The following ADAMTS6 variants were observed in gnomAD, a reference collection of about 807,000 sequenced individuals.
The protein encoded by ADAMTS6 is A disintegrin and metalloproteinase with thrombospondin motifs 6.
In ADAMTS6, 23 loss-of-function variants were observed where a neutral mutation model predicts 144.3. The ratio of observed to expected loss-of-function variants is 0.16; its 90% confidence interval spans 0.11 to 0.23. The LOEUF (loss-of-function observed/expected upper bound fraction) is 0.23. Among genes scored for constraint, ADAMTS6 ranks in the 10% least tolerant of loss-of-function variants. ADAMTS6 has a pLI of 1.00. For synonymous variants in ADAMTS6, 444 were observed against 457.5 expected, an observed-to-expected ratio of 0.97 and a Z score of 0.38; for missense variants, 999 against 1,379.6, an observed-to-expected ratio of 0.72 and a Z score of 4.37.
In ADAMTS6 at chr5:65,271,739, C is replaced by G. The variant is rs549688317; in HGVS notation, c.1620+1601G>C. ...TGGCAAATAAAGAAACAGATTCTCC[C>G]TGTGACTCTCCCTCTTTATGGTTGT... On this transcript the variant is annotated intron_variant, in intron 12 of 24. Transcript: ENST00000381055. 5.9e-5 allele frequency among the ~76,000 whole-genome samples: 9 copies of G among 152,164 alleles called. No individual in the cohort carries two copies. In the South Asian group the frequency reaches 1.2e-3, roughly 21 times the overall value.
intron 7 of ADAMTS6, among the ~76,000 whole-genome samples, chr5:65,404,813 C>T (rs1259208467): frequency 2.6e-5 from 4 of 152,096 alleles, no homozygotes; most frequent in Non-Finnish European, 4.4e-5. Context: ...CCTGTTGTTT[C>T]CTGACTTTTT....
chr5:65,451,292 A>T, intron 7 of ADAMTS6, 183 bp downstream of exon 7: 1 of 549,016 alleles, frequency 1.8e-6, no homozygotes, highest in African/African-American at 2.0e-5. Flanking sequence ...CTTTTTTCTT[A>T]TTTGGTTCAT....
At chr5:65,460,931 G>A (rs1580762693) in intron 3 of ADAMTS6, among the ~76,000 whole-genome samples, 1 of 152,258 alleles carries the variant, frequency 6.6e-6, no homozygotes, top group Middle Eastern at 3.4e-3. Context: ...CTTCTATTGT[G>A]ACAAATCATT....
intron 7 of ADAMTS6, among the ~76,000 whole-genome samples, chr5:65,351,715 G>A (rs1171951975): frequency 6.6e-6 from 1 of 152,038 alleles, no homozygotes; most frequent in Non-Finnish European, 1.5e-5. Context: ...CCAGGAATTT[G>A]AAGCCCCTGT....
chr5:65,450,708 A>G (rs1002345707), intron 7 of ADAMTS6, among the ~76,000 whole-genome samples: 4 of 152,190 alleles, frequency 2.6e-5, no homozygotes, highest in African/African-American at 7.2e-5. Context: ...AATCAAAGAC[A>G]GGATCACCAG....
intron 21 of ADAMTS6, among the ~76,000 whole-genome samples, chr5:65,188,756 T>A (rs1754823661): frequency 1.3e-5 from 2 of 152,340 alleles, no homozygotes; most frequent in Admixed American, 1.3e-4. Context: ...CAATACTAGC[T>A]GGCTCCAGCA....
chr5:65,415,627 AT>A, intron 7 of ADAMTS6: 7 of 310,624 alleles, frequency 2.3e-5, no homozygotes, highest in South Asian at 5.9e-5. Flanking sequence ...GAGATCACTG[AT>A]TTTTTTCGGG....
At chr5:65,393,544 G>T (rs1315998651) in intron 7 of ADAMTS6, among the ~76,000 whole-genome samples, 1 of 151,994 alleles carries the variant, frequency 6.6e-6, no homozygotes. Flanking sequence ...TACAATTTTT[G>T]AATTTTTTCT....
intron 14 of ADAMTS6, among the ~76,000 whole-genome samples, chr5:65,259,738 GGTTT>G (rs567211888): frequency 0.011 from 1,673 of 152,148 alleles, 13 homozygotes; most frequent in Non-Finnish European, 0.019. Context: ...ATGGTTTTTT[GGTTT>G]GTTTGTTTAC....
Position 65,448,106 on chromosome 5 carries a change from A to G in ADAMTS6, c.1073+3369T>C, listed in dbSNP as rs150857728. 6.9e-3 allele frequency among the ~76,000 whole-genome samples: 1,038 copies of G among 150,460 alleles called. 5 individuals are homozygous for G. The highest frequency in any genetic ancestry group is 0.022 in the African/African-American group (918 of 41,242). On this transcript the variant is annotated intron_variant, in intron 7 of 24. Coordinates refer to ENST00000381055, the MANE Select transcript of ADAMTS6 (RefSeq NM_197941.4). ...ATTATATAGAACATAGTATACACAT[A>G]TATGTACATATAAAATACACATGTA...
At chr5:65,185,226 A>C (rs1754598731) in intron 22 of ADAMTS6, among the ~76,000 whole-genome samples, 1 of 152,178 alleles carries the variant, frequency 6.6e-6, no homozygotes, top group African/African-American at 2.4e-5. Context: ...ATTTATTCTT[A>C]CTTATTGTTA....
At chr5:65,225,109 A>G in intron 16 of ADAMTS6, 62 bp from the exon 17 acceptor site, 5 of 1,528,814 alleles carry the variant, frequency 3.3e-6, no homozygotes, top group Non-Finnish European at 4.4e-6. Context: ...ATAACTAATG[A>G]AATACATATA....
chr5:65,270,201 AT>A (rs1353440654), intron 12 of ADAMTS6, among the ~76,000 whole-genome samples: 2 of 152,230 alleles, frequency 1.3e-5, no homozygotes, highest in African/African-American at 4.8e-5. Context: ...GACCAGATTA[AT>A]TGAAAATTCC....
chr5:65,293,017 G>A (rs769376986), intron 10 of ADAMTS6, among the ~76,000 whole-genome samples: 17 of 151,762 alleles, frequency 1.1e-4, no homozygotes, highest in African/African-American at 2.2e-4. Flanking sequence ...GCTTTATTAC[G>A]TAAAATATCT....
chr5:65,275,407 GAAAGAAAGAAAAGAA>G (rs1762436162), intron 11 of ADAMTS6, among the ~76,000 whole-genome samples: 4 of 119,912 alleles, frequency 3.3e-5, no homozygotes, highest in African/African-American at 1.3e-4. Flanking sequence ...AAGAAAGAAA[GAAAGAAAGAAAAGAA>G]AGAAAGAAAG....
At chr5:65,179,201 A>G (rs1754177040) in intron 22 of ADAMTS6, among the ~76,000 whole-genome samples, 1 of 152,208 alleles carries the variant, frequency 6.6e-6, no homozygotes, top group South Asian at 2.1e-4. Context: ...CAGTGTATAC[A>G]TCAAGTCACT....
intron 14 of ADAMTS6, among the ~76,000 whole-genome samples, chr5:65,258,374 A>G (rs1209872009): frequency 6.6e-6 from 1 of 152,204 alleles, no homozygotes; most frequent in Non-Finnish European, 1.5e-5. Flanking sequence ...ATGTTGCTGG[A>G]GCAGAGATAA....
chr5:65,167,067 C>T (rs1190961167), intron 24 of ADAMTS6, among the ~76,000 whole-genome samples: 8 of 144,350 alleles, frequency 5.5e-5, no homozygotes, highest in Non-Finnish European at 1.2e-4. Context: ...ACACAAAAAA[C>T]CCTTCAAAAA....
chr5:65,332,996 T>C (rs1442082347), intron 8 of ADAMTS6, among the ~76,000 whole-genome samples: 2 of 152,126 alleles, frequency 1.3e-5, no homozygotes, highest in South Asian at 2.1e-4. Flanking sequence ...AGAGAAATTT[T>C]AGTTTCCGAA....
Sources: allele counts gnomAD v4.1 joint callset (sites outside exome capture counted in the v4.1 genomes callset), GRCh38; gene constraint gnomAD v4.1.1; transcripts MANE v1.5; gene names NCBI Gene and HGNC (gene_info 2026-07-23, HGNC 2026-07-21).